Variants in OPRM1 observed in about 807,000 individuals in gnomAD.
OPRM1 encodes the protein opioid receptor mu 1, also known as mu-type opioid receptor.
A neutral mutation model predicts 31.8 loss-of-function variants in OPRM1; 27 were observed. That is an observed-to-expected ratio of 0.85 (90% CI 0.63 to 1.17). The LOEUF (loss-of-function observed/expected upper bound fraction) is 1.17, where lower values mean the gene tolerates loss of function less well. Among genes scored for constraint, OPRM1 ranks in the 50% most tolerant of loss-of-function variants. The pLI is 0.00. For missense variants in OPRM1, 536 were observed against 511.1 expected (o/e 1.05, Z -0.47); for synonymous variants, 196 against 189.9 (o/e 1.03, Z -0.26).
chr6:154,146,548 T>C (rs1798363206), intron 3 of OPRM1, among the ~76,000 whole-genome samples: 1 of 152,212 alleles, frequency 6.6e-6, no homozygotes, highest in Non-Finnish European at 1.5e-5. Context: ...ATAAAATCAG[T>C]ATTGAAAATA....
At chr6:154,049,498 T>C (rs1042440668) in intron 1 of OPRM1, among the ~76,000 whole-genome samples, 1 of 152,198 alleles carries the variant, frequency 6.6e-6, no homozygotes, top group African/African-American at 2.4e-5. Context: ...CCAAGTATTA[T>C]TTTGCGGGTA....
chr6:154,082,683 C>T (rs3778155), intron 1 of OPRM1, among the ~76,000 whole-genome samples: 21,426 of 152,026 alleles, frequency 0.14, 1,598 homozygotes, highest in Non-Finnish European at 0.17. Context: ...GACCTTTCCC[C>T]TTAGAAGTTA....
intron 1 of OPRM1, among the ~76,000 whole-genome samples, chr6:154,057,999 G>T (rs1783655088): frequency 6.6e-6 from 1 of 152,144 alleles, no homozygotes; most frequent in African/African-American, 2.4e-5. Flanking sequence ...AGAAGAAATT[G>T]TCTGCATATA....
At chr6:154,062,232 T>A (rs972059237) in intron 1 of OPRM1, among the ~76,000 whole-genome samples, 1 of 152,160 alleles carries the variant, frequency 6.6e-6, no homozygotes, top group African/African-American at 2.4e-5. Context: ...AAGTAGTAGA[T>A]GATCCTGAAA....
chr6:154,054,430 G>T (rs1782831754), intron 1 of OPRM1, among the ~76,000 whole-genome samples: 1 of 151,500 alleles, frequency 6.6e-6, no homozygotes, highest in African/African-American at 2.4e-5. Context: ...AATCTCCAGG[G>T]GCAGCTCCTG....
At chr6:154,224,717 A>C (rs1779121497) in intron 3 of OPRM1, among the ~76,000 whole-genome samples, 1 of 152,146 alleles carries the variant, frequency 6.6e-6, no homozygotes, top group Non-Finnish European at 1.5e-5. Context: ...TCTTAAAAAA[A>C]ACAAACAAAC....
intron 3 of OPRM1, among the ~76,000 whole-genome samples, chr6:154,148,665 C>A (rs764617696): frequency 1.3e-5 from 2 of 152,190 alleles, no homozygotes; most frequent in Non-Finnish European, 2.9e-5. Context: ...CTCCACAAGG[C>A]TCTCCCCCAG....
chr6:154,235,531 CAAAAA>C lies in OPRM1; in HGVS notation c.1165-11146_1165-11142del, dbSNP rs34877577. On this transcript the variant is annotated intron_variant, in intron 3 of 3. Transcript: ENST00000337049. ...GGGCGACAAGAGCAAAACTCTGTCA[CAAAAA>C]AAAAAAAAAAAAAAAGTAATGAAGA... 2.4e-4 allele frequency among the ~76,000 whole-genome samples: 23 copies of C among 97,554 alleles called. No homozygotes were observed. The South Asian group carries it at 5.9e-3, about 25-fold the overall frequency. 64.0% of individuals were successfully genotyped at this position (97,554 alleles called of 152,430 possible).
At chr6:154,246,774 A>G (rs745932303) in exon 4 of OPRM1, 4 of 1,613,258 alleles carry the variant, frequency 2.5e-6, no homozygotes, top group Non-Finnish European at 1.7e-6. Flanking sequence ...CAATGATTAC[A>G]TGAAGAGGTA....
At chr6:154,025,011 C>T (rs113676858) in intron 1 of OPRM1, among the ~76,000 whole-genome samples, 49 of 152,000 alleles carry the variant, frequency 3.2e-4, no homozygotes, top group African/African-American at 1.1e-3. Flanking sequence ...GTAGCTGTTT[C>T]GTGAAATGTT....
At chr6:154,062,139 G>T (rs774809061) in intron 1 of OPRM1, among the ~76,000 whole-genome samples, 3 of 152,028 alleles carry the variant, frequency 2.0e-5, no homozygotes, top group Non-Finnish European at 4.4e-5. Flanking sequence ...GTGTTATTCA[G>T]ATTTTTAAAT....
intron 3 of OPRM1, among the ~76,000 whole-genome samples, chr6:154,246,090 C>A (rs948048504): frequency 2.0e-5 from 3 of 152,062 alleles, no homozygotes; most frequent in African/African-American, 7.2e-5. Context: ...GATTCCAAAC[C>A]AACCCATTTG....
intron 3 of OPRM1, among the ~76,000 whole-genome samples, chr6:154,092,735 A>G (rs1325617464): frequency 6.6e-6 from 1 of 152,158 alleles, no homozygotes; most frequent in East Asian, 1.9e-4. Flanking sequence ...TATGGCCCAG[A>G]TACATCCGTC....
At chr6:154,182,955 C>A (rs1801020601) in intron 3 of OPRM1, among the ~76,000 whole-genome samples, 1 of 151,948 alleles carries the variant, frequency 6.6e-6, no homozygotes, top group African/African-American at 2.4e-5. Flanking sequence ...AATATGAAGG[C>A]TGAACAAATA....
At chr6:154,016,990 T>A (rs1778040763) in intron 1 of OPRM1, among the ~76,000 whole-genome samples, 1 of 152,238 alleles carries the variant, frequency 6.6e-6, no homozygotes, top group African/African-American at 2.4e-5. Context: ...ATCCTGTTTA[T>A]GTAATCAAAT....
chr6:154,054,481 T>C (rs1036437348), intron 1 of OPRM1, among the ~76,000 whole-genome samples: 13 of 151,772 alleles, frequency 8.6e-5, no homozygotes, highest in Admixed American at 3.3e-4. Flanking sequence ...GACTCTACCA[T>C]GCAGCCAAGA....
At chr6:154,070,827 G>T (rs546389718) in intron 1 of OPRM1, among the ~76,000 whole-genome samples, 34 of 152,236 alleles carry the variant, frequency 2.2e-4, no homozygotes, top group African/African-American at 7.9e-4. Flanking sequence ...GTTACTCATT[G>T]GTCTGTGGGT....
chr6:154,069,975 G>A (rs549780398), intron 1 of OPRM1, among the ~76,000 whole-genome samples: 1 of 152,348 alleles, frequency 6.6e-6, no homozygotes, highest in East Asian at 1.9e-4. Flanking sequence ...AAGTAGGGGG[G>A]AAATGGTCCT....
In OPRM1 at chr6:154,132,279, G is replaced by A. The variant is rs542415172; in HGVS notation, c.*13558G>A. 2.6e-5 allele frequency among the ~76,000 whole-genome samples: 4 copies of A among 152,158 alleles called. No homozygotes were observed. The highest frequency in any genetic ancestry group is 9.6e-5 in the African/African-American group (4 of 41,504). On this transcript the variant is annotated 3_prime_UTR_variant, in exon 4 of 4. Coordinates refer to ENST00000330432, the MANE Select transcript of OPRM1 (RefSeq NM_000914.5). Reference sequence around the variant, plus strand: ...TGTACCAGCATACATAAACATATTAGGCTGTATTGTAAGTTTCCTGCATGT... The same window carrying A: ...TGTACCAGCATACATAAACATATTAAGCTGTATTGTAAGTTTCCTGCATGT...
Sources: allele counts gnomAD v4.1 joint callset (sites outside exome capture counted in the v4.1 genomes callset), GRCh38; gene constraint gnomAD v4.1.1; transcripts MANE v1.5; gene names NCBI Gene and HGNC (gene_info 2026-07-23, HGNC 2026-07-21).